Variants in RANBP17 observed in about 807,000 individuals in gnomAD.
RANBP17 encodes the protein RAN binding protein 17.
RANBP17 carries 158 observed loss-of-function variants against 141.2 expected under a neutral mutation model. The observed-to-expected ratio is 1.12, with a 90% CI of 0.98 to 1.28. The LOEUF (loss-of-function observed/expected upper bound fraction) is 1.28. RANBP17 is among the 50% of genes most tolerant of loss of function. RANBP17 has a pLI of 0.00. For missense variants in RANBP17, 1,438 were observed against 1,290.7 expected, an observed-to-expected ratio of 1.11 and a Z score of -1.75; for synonymous variants, 430 against 450.0, an observed-to-expected ratio of 0.96 and a Z score of 0.56.
At chr5:171,256,777 A>G (rs959236895) in intron 24 of RANBP17, among the ~76,000 whole-genome samples, 1 of 152,148 alleles carries the variant, frequency 6.6e-6, no homozygotes, top group African/African-American at 2.4e-5. Context: ...ATTATGAACA[A>G]TGATATGCCC....
At chr5:171,170,323 C>G (rs1432049444) in intron 15 of RANBP17, 120 bp downstream of exon 15, 1 of 460,728 alleles carries the variant, frequency 2.2e-6, no homozygotes, top group Admixed American at 4.1e-5. Context: ...TAAAATTATG[C>G]TTTGTTAGAA....
chr5:170,958,448 A>C (rs1775902918), intron 13 of RANBP17, among the ~76,000 whole-genome samples: 1 of 152,198 alleles, frequency 6.6e-6, no homozygotes, highest in Non-Finnish European at 1.5e-5. Flanking sequence ...TGGGTGTGCA[A>C]GCAGGGCCAA....
chr5:171,068,433 T>C (rs1784435859), intron 14 of RANBP17, among the ~76,000 whole-genome samples: 2 of 152,236 alleles, frequency 1.3e-5, no homozygotes, highest in Admixed American at 6.5e-5. Flanking sequence ...TTTCTTCCTG[T>C]GCATAGCTTA....
intron 24 of RANBP17, among the ~76,000 whole-genome samples, chr5:171,264,471 G>C (rs1433851148): frequency 6.6e-6 from 1 of 152,152 alleles, no homozygotes; most frequent in African/African-American, 2.4e-5. Context: ...TACCTTGGCT[G>C]TGCAGTCTTC....
chr5:170,954,829 C>T (rs938099328), intron 13 of RANBP17, among the ~76,000 whole-genome samples: 1 of 152,114 alleles, frequency 6.6e-6, no homozygotes, highest in East Asian at 1.9e-4. Context: ...CAATACCACA[C>T]GGTGTTCTGA....
chr5:170,924,718 G>T (rs1772773855), intron 12 of RANBP17, 168 bp downstream of exon 12: 5 of 444,410 alleles, frequency 1.1e-5, no homozygotes, highest in South Asian at 6.2e-5. Flanking sequence ...TAATTTGTTG[G>T]TTGATTTTTT....
chr5:171,125,464 G>C (rs1286617996), intron 14 of RANBP17, among the ~76,000 whole-genome samples: 1 of 150,822 alleles, frequency 6.6e-6, no homozygotes, highest in African/African-American at 2.4e-5. Flanking sequence ...GCAACAAAAG[G>C]ATATAATAGT....
At chr5:171,091,625 TTGAATTCCCATG>T (rs1190932252) in intron 14 of RANBP17, among the ~76,000 whole-genome samples, 1 of 152,182 alleles carries the variant, frequency 6.6e-6, no homozygotes, top group South Asian at 2.1e-4. Flanking sequence ...AAATCTCATC[TTGAATTCCCATG>T]TGTTGTGGGA....
intron 24 of RANBP17, among the ~76,000 whole-genome samples, chr5:171,264,047 G>A (rs1235477625): frequency 2.2e-4 from 34 of 152,186 alleles, no homozygotes; most frequent in Admixed American, 2.2e-3. Flanking sequence ...TGGTGACAGA[G>A]TGAGAACCTA....
At chr5:171,276,973 G>T (rs1767528275) in intron 25 of RANBP17, among the ~76,000 whole-genome samples, 2 of 121,686 alleles carry the variant, frequency 1.6e-5, no homozygotes, top group South Asian at 2.8e-4. Context: ...CTAACCCATA[G>T]ATTAAATACT....
chr5:171,140,578 T>C (rs571822648), intron 14 of RANBP17, among the ~76,000 whole-genome samples: 1 of 152,258 alleles, frequency 6.6e-6, no homozygotes, highest in South Asian at 2.1e-4. Flanking sequence ...ATGCTCAGTC[T>C]TTTTCTGTTT....
chr5:170,872,102 C>T (rs889298578), intron 1 of RANBP17, among the ~76,000 whole-genome samples: 14 of 152,142 alleles, frequency 9.2e-5, no homozygotes, highest in African/African-American at 3.1e-4. Flanking sequence ...CTATAAATTA[C>T]TTTGGGCAGT....
intron 14 of RANBP17, among the ~76,000 whole-genome samples, chr5:171,163,092 AG>A (rs1346374252): frequency 1.3e-5 from 2 of 152,230 alleles, no homozygotes; most frequent in Non-Finnish European, 2.9e-5. Flanking sequence ...CAACTGAATG[AG>A]GCAAGCAGGA....
rs1769019259 is a variant in RANBP17 at position 171,299,700 on chromosome 5, G to A, written c.*842G>A. ...CTTAGGGCTACCCAAAACAGTTCTA[G>A]GTGCTAAAATTCAGATTTTCAGAGG... On this transcript the variant is annotated 3_prime_UTR_variant, in exon 28 of 28. Coordinates refer to ENST00000523189, the MANE Select transcript of RANBP17 (RefSeq NM_022897.5). 8.8e-6 allele frequency: 2 copies of A among 227,222 alleles called. No homozygotes were observed. The highest frequency in any genetic ancestry group is 1.7e-5 in the Non-Finnish European group (2 of 114,374). The allele number at this position is 227,222 out of a possible 1,614,324, so 14.1% of individuals were successfully genotyped here.
chr5:171,271,185 G>T, intron 25 of RANBP17: 1 of 145,362 alleles, frequency 6.9e-6, no homozygotes, highest in Non-Finnish European at 1.4e-5. Context: ...TACTTCAGTA[G>T]GGACTTAAGC....
chr5:170,993,982 G>T (rs115819671), intron 14 of RANBP17, among the ~76,000 whole-genome samples: 1 of 151,918 alleles, frequency 6.6e-6, no homozygotes, highest in African/African-American at 2.4e-5. Flanking sequence ...CATGTTAAAC[G>T]CTTTAAGGAG....
chr5:170,932,313 AC>A (rs774818209), intron 12 of RANBP17, among the ~76,000 whole-genome samples: 27 of 152,180 alleles, frequency 1.8e-4, no homozygotes, highest in Non-Finnish European at 3.7e-4. Context: ...TTGGGCTGAG[AC>A]AGTGGGGTTT....
At chr5:170,963,525 T>C (rs895508467) in intron 13 of RANBP17, among the ~76,000 whole-genome samples, 5 of 152,208 alleles carry the variant, frequency 3.3e-5, no homozygotes, top group South Asian at 2.1e-4. Flanking sequence ...TAGTAGAAGA[T>C]GGTTTTTCCA....
At chr5:170,953,885 A>G (rs1411049098) in intron 13 of RANBP17, among the ~76,000 whole-genome samples, 183 bp downstream of exon 13, 1 of 152,206 alleles carries the variant, frequency 6.6e-6, no homozygotes, top group Non-Finnish European at 1.5e-5. Flanking sequence ...CAAATCTCTA[A>G]TAAGTGATAG....
Sources: gnomAD v4.1 joint callset for allele counts (sites outside exome capture counted in the v4.1 genomes callset) on GRCh38, gnomAD v4.1.1 for gene constraint, MANE v1.5 for transcripts, NCBI Gene and HGNC (gene_info 2026-07-23, HGNC 2026-07-21) for gene names.